The following ANKIB1 variants were observed in gnomAD, a reference collection of about 807,000 sequenced individuals.
ANKIB1 encodes ankyrin repeat and IBR domain-containing protein 1.
ANKIB1 carries 43 observed loss-of-function variants against 122.1 expected under a neutral mutation model. The ratio of observed to expected loss-of-function variants is 0.35; its 90% confidence interval spans 0.28 to 0.45. ANKIB1 has a LOEUF of 0.45. ANKIB1 is among the 20% of genes least tolerant of loss of function. The pLI is 1.00. For synonymous variants in ANKIB1, 390 were observed against 442.0 expected (o/e 0.88, Z 1.48); for missense variants, 992 against 1,329.5 (o/e 0.75, Z 3.95).
intron 5 of ANKIB1, among the ~76,000 whole-genome samples, chr7:92,334,628 AT>A (rs1803247705): frequency 6.6e-6 from 1 of 152,030 alleles, no homozygotes; most frequent in Admixed American, 6.5e-5. Context: ...GGCTCTCATG[AT>A]TTTTATATGA....
At chr7:92,393,853 G>A (rs1280176810) in intron 17 of ANKIB1, among the ~76,000 whole-genome samples, 2 of 152,154 alleles carry the variant, frequency 1.3e-5, no homozygotes, top group East Asian at 1.9e-4. Context: ...TATGACTATC[G>A]AGTAACTGCC....
intron 1 of ANKIB1, among the ~76,000 whole-genome samples, chr7:92,290,744 C>G (rs540170940): frequency 2.6e-5 from 4 of 152,102 alleles, no homozygotes; most frequent in African/African-American, 9.6e-5. Flanking sequence ...GATTATTAAC[C>G]TATCAATGGT....
chr7:92,301,860 T>C (rs1232150074), intron 2 of ANKIB1, among the ~76,000 whole-genome samples: 3 of 152,224 alleles, frequency 2.0e-5, no homozygotes, highest in Non-Finnish European at 4.4e-5. Flanking sequence ...ACTATTACTT[T>C]CTCATGCTGC....
chr7:92,378,081 G>C (rs1456681042), intron 11 of ANKIB1, among the ~76,000 whole-genome samples: 2 of 152,112 alleles, frequency 1.3e-5, no homozygotes, highest in African/African-American at 4.8e-5. Context: ...AAATATTACA[G>C]GGATAAAACT....
Position 92,397,999 on chromosome 7 carries a change from G to T in ANKIB1, c.2532+140G>T, listed in dbSNP as rs140871385. On this transcript the variant is annotated intron_variant, in intron 19 of 19. Transcript: ENST00000265742. ...GTTTTAAAGATGTGCTGCAGGAAAA[G>T]ATATTCCTATATTTTAGATTTATTT... 328 of 1,270,926 alleles carry T rather than the reference G, an allele frequency of 2.6e-4. 1 individual carries two copies. Among genetic ancestry groups the T allele is most frequent in the South Asian group, 9.3e-4 (64 of 68,834 alleles). The allele number at this position is 1,270,926 out of a possible 1,614,324, so 78.7% of individuals were successfully genotyped here. A position where few individuals can be genotyped will look rare whatever the true frequency, so the allele number is the denominator to read the frequency against.
At chr7:92,374,459 C>T (rs1307916115) in intron 11 of ANKIB1, among the ~76,000 whole-genome samples, 2 of 151,896 alleles carry the variant, frequency 1.3e-5, no homozygotes, top group Admixed American at 6.6e-5. Flanking sequence ...GCGTGGGCAA[C>T]AAGAGCAAAA....
At chr7:92,383,523 A>G (rs900672625) in intron 11 of ANKIB1, among the ~76,000 whole-genome samples, 4 of 152,212 alleles carry the variant, frequency 2.6e-5, no homozygotes, top group Non-Finnish European at 1.5e-5. Flanking sequence ...CCAGCAGCAC[A>G]TCAAAAAGCT....
intron 11 of ANKIB1, among the ~76,000 whole-genome samples, chr7:92,381,882 C>T (rs1336765604): frequency 6.6e-6 from 1 of 152,162 alleles, no homozygotes; most frequent in East Asian, 1.9e-4. Flanking sequence ...ATCAAATTCA[C>T]ACATAACAAT....
chr7:92,326,519 A>G (rs1215783092), intron 4 of ANKIB1, among the ~76,000 whole-genome samples: 2 of 152,308 alleles, frequency 1.3e-5, no homozygotes, highest in East Asian at 3.9e-4. Flanking sequence ...AGAAATATTC[A>G]CTGTCATTTC....
At chr7:92,266,799 G>T (rs1345255099) in intron 1 of ANKIB1, among the ~76,000 whole-genome samples, 1 of 152,192 alleles carries the variant, frequency 6.6e-6, no homozygotes, top group Non-Finnish European at 1.5e-5. Flanking sequence ...TCCACACATG[G>T]CAGAAGCCTA....
At chr7:92,255,479 C>T (rs934159568) in intron 1 of ANKIB1, among the ~76,000 whole-genome samples, 4 of 152,142 alleles carry the variant, frequency 2.6e-5, no homozygotes, top group African/African-American at 7.2e-5. Context: ...CTTGTCACCT[C>T]GTGGTCTTCA....
intron 11 of ANKIB1, among the ~76,000 whole-genome samples, chr7:92,378,198 A>G (rs1804428560): frequency 6.6e-6 from 1 of 152,188 alleles, no homozygotes; most frequent in Non-Finnish European, 1.5e-5. Flanking sequence ...CTGATCTGGA[A>G]TGCTTGGAAC....
intron 14 of ANKIB1, among the ~76,000 whole-genome samples, chr7:92,388,818 C>G (rs1331573181): frequency 6.6e-6 from 1 of 152,040 alleles, no homozygotes; most frequent in African/African-American, 2.4e-5. Context: ...CAAGACAATA[C>G]CATAAGTTAA....
At chr7:92,395,019 T>A (rs1042865908) in intron 17 of ANKIB1, among the ~76,000 whole-genome samples, 10 of 152,232 alleles carry the variant, frequency 6.6e-5, no homozygotes, top group African/African-American at 2.4e-4. Flanking sequence ...AGGATAATCA[T>A]AAAGTTGAAT....
intron 7 of ANKIB1, 27 bp downstream of exon 7, chr7:92,345,093 C>T (rs1337430795): frequency 1.4e-6 from 2 of 1,471,482 alleles, no homozygotes; most frequent in South Asian, 1.2e-5. Flanking sequence ...CTTAGCATCT[C>T]TTACTGCATG....
intron 1 of ANKIB1, among the ~76,000 whole-genome samples, chr7:92,276,775 T>C (rs375098226): frequency 2.6e-3 from 389 of 152,362 alleles, no homozygotes; most frequent in African/African-American, 9.1e-3. Flanking sequence ...TCTTCAGGCT[T>C]TTCAGAAGTG....
chr7:92,330,143 G>A (rs748359266), intron 5 of ANKIB1, among the ~76,000 whole-genome samples: 4 of 152,192 alleles, frequency 2.6e-5, no homozygotes, highest in East Asian at 1.9e-4. Flanking sequence ...TGTGTCTTCC[G>A]AAGTCTCAGT....
intron 1 of ANKIB1, among the ~76,000 whole-genome samples, chr7:92,257,208 GA>G (rs903295009): frequency 2.0e-5 from 3 of 150,574 alleles, no homozygotes; most frequent in Non-Finnish European, 3.0e-5. Context: ...AAAAAAGAGA[GA>G]AAAAAAGAAA....
At position 92,319,460 on chromosome 7, in the gene ANKIB1, A is replaced by G; in HGVS notation, c.617A>G (p.Asp206Gly). The G allele has an allele frequency of 6.2e-7, 1 of 1,613,158 alleles. No individual in the cohort carries two copies. Among genetic ancestry groups the G allele is most frequent in the Non-Finnish European group, 8.5e-7 (1 of 1,179,602 alleles). The change falls in exon 4 of 20, where the codon GAT (aspartate) becomes GGT (glycine). Residue 206 changes from aspartate to glycine, a missense_variant. Asp to Gly is a moderately conservative substitution (Grantham distance 94). Coordinates refer to ENST00000265742, the MANE Select transcript of ANKIB1 (RefSeq NM_019004.2). The stretch of plus-strand genomic sequence containing the variant: ...GAATCTCAAATGGTATTCTCACGGG[A>G]TCCCGAGGCTGAAGAAATAGAAGCT... ...NLESQMVFSR[D>G]PEAEEIEAEY...
Sources: allele counts gnomAD v4.1 joint callset (sites outside exome capture counted in the v4.1 genomes callset), GRCh38; gene constraint gnomAD v4.1.1; transcripts MANE v1.5; gene names NCBI Gene and HGNC (gene_info 2026-07-23, HGNC 2026-07-21).